NAPB: variants seen among roughly 807,000 people sequenced by gnomAD.
The protein encoded by NAPB is beta-soluble NSF attachment protein.
A neutral mutation model predicts 44.7 loss-of-function variants in NAPB; 26 were observed. The ratio of observed to expected loss-of-function variants is 0.58; its 90% CI spans 0.43 to 0.81. The LOEUF is 0.81. NAPB is among the 30% of genes least tolerant of loss of function. The probability of loss-of-function intolerance (pLI) is 0.00; values close to 1 mark genes in which losing one functional copy is unlikely to be tolerated. For synonymous variants in NAPB, 120 were observed against 116.8 expected, an observed-to-expected ratio of 1.03 and a Z score of -0.18; for missense variants, 315 against 356.4, an observed-to-expected ratio of 0.88 and a Z score of 0.94.
chr20:23,379,255 G>C, intron 10 of NAPB, 190 bp downstream of exon 10: 1 of 471,312 alleles, frequency 2.1e-6, no homozygotes, highest in South Asian at 4.5e-5. Context: ...AGTGTAAGTC[G>C]AATCTCAGCA....
Position 23,399,267 on chromosome 20 carries a change from C to G in NAPB, c.179-2079G>C, listed in dbSNP as rs573872213. ...CCCCCCAAAATTTGTATTACTGGAG[C>G]CTGATATCCAATTTGACAGTATTAA... is the stretch of plus-strand genomic sequence containing the variant. On this transcript the variant is annotated intron_variant, in intron 2 of 10. Coordinates refer to ENST00000377026, the MANE Select transcript of NAPB (RefSeq NM_022080.3). Among the ~76,000 whole-genome samples the G allele has an allele frequency of 5.9e-5, 9 of 152,190 alleles. No individual in the cohort carries two copies. The South Asian group carries it at 1.9e-3, about 32-fold the overall frequency.
At chr20:23,403,964 G>A (rs959577331) in intron 1 of NAPB, among the ~76,000 whole-genome samples, 3 of 152,096 alleles carry the variant, frequency 2.0e-5, no homozygotes, top group Non-Finnish European at 2.9e-5. Flanking sequence ...AATGCATTTT[G>A]CAACACCCTG....
intron 1 of NAPB, among the ~76,000 whole-genome samples, chr20:23,408,797 G>A: frequency 6.6e-6 from 1 of 152,168 alleles, no homozygotes; most frequent in East Asian, 1.9e-4. Context: ...AAATGTATGA[G>A]GTGATGAGTA....
chr20:23,410,669 C>G (rs1365546235), intron 1 of NAPB, among the ~76,000 whole-genome samples: 3 of 151,600 alleles, frequency 2.0e-5, no homozygotes, highest in Admixed American at 2.0e-4. Flanking sequence ...GCATATGTAC[C>G]CCCTGACTCT....
chr20:23,403,092 T>G lies in NAPB; in HGVS notation c.99-20A>C. 6.3e-7 allele frequency: 1 copy of G among 1,582,152 alleles called. No homozygotes were observed. Among genetic ancestry groups the G allele is most frequent in the Non-Finnish European group, 8.7e-7 (1 of 1,153,602 alleles). On this transcript the variant is annotated intron_variant, in intron 1 of 10. Transcript: ENST00000377026. ...TTTCCTCTGAGAAAAAGTTAAAAAT[T>G]AGATTTTTAACAACCATCCACATCT...
intron 10 of NAPB, chr20:23,379,225 TCA>T (rs1253782805): frequency 6.6e-6 from 3 of 456,940 alleles, no homozygotes; most frequent in Non-Finnish European, 1.2e-5. Context: ...TGAACTAGTC[TCA>T]CAGCTAAATT....
intron 1 of NAPB, among the ~76,000 whole-genome samples, chr20:23,419,090 C>T (rs1986210301): frequency 6.6e-6 from 1 of 152,216 alleles, no homozygotes; most frequent in Non-Finnish European, 1.5e-5. Context: ...CTGTCTCCAA[C>T]ATCCATGGTT....
intron 5 of NAPB, among the ~76,000 whole-genome samples, chr20:23,392,818 T>C (rs1280668530): frequency 1.3e-5 from 2 of 151,854 alleles, no homozygotes; most frequent in East Asian, 2.0e-4. Context: ...CCACTGTACC[T>C]GGCCTTTTTT....
At chr20:23,398,052 C>T (rs1169153456) in intron 2 of NAPB, among the ~76,000 whole-genome samples, 2 of 152,172 alleles carry the variant, frequency 1.3e-5, no homozygotes, top group Non-Finnish European at 2.9e-5. Context: ...AGGCCAGTGA[C>T]AAGCCTGCCC....
chr20:23,384,403 A>C (rs1256229429), intron 7 of NAPB, among the ~76,000 whole-genome samples: 3 of 151,982 alleles, frequency 2.0e-5, no homozygotes, highest in African/African-American at 7.3e-5. Context: ...CGCTACAAAA[A>C]GACTTGAGCT....
Position 23,377,243 on chromosome 20 carries a change from C to T in NAPB, c.*133G>A, listed in dbSNP as rs1308674736. On this transcript the variant is annotated 3_prime_UTR_variant, in exon 11 of 11. Transcript: ENST00000377026. ...TTCACAGCAACACAGACTTGGCGAG[C>T]TTAAACAATACACAGGCCGTCTGGC... The T allele has an allele frequency of 2.2e-6, 1 of 459,744 alleles. No homozygotes were observed. The highest frequency in any genetic ancestry group is 2.0e-5 in the African/African-American group (1 of 50,760). 28.5% of individuals were successfully genotyped at this position (459,744 alleles called of 1,614,324 possible). A position where few individuals can be genotyped will look rare whatever the true frequency, so the allele number is the denominator to read the frequency against.
In NAPB at chr20:23,395,014, A is replaced by C. The variant is rs1385893570; in HGVS notation, c.343-15T>G. ...GTAAACCTTCCCTAGGGGAAAAAAC[A>C]AGAAACAGTCACACACCGATTTTAC... On this transcript the variant is annotated splice_polypyrimidine_tract_variant and intron_variant, in intron 4 of 10. Coordinates refer to ENST00000377026, the MANE Select transcript of NAPB (RefSeq NM_022080.3). 1 of 1,613,926 alleles carries C rather than the reference A, an allele frequency of 6.2e-7. No individual in the cohort carries two copies. The highest frequency in any genetic ancestry group is 1.3e-5 in the African/African-American group (1 of 74,942).
rs148400993 is a variant in NAPB, at chr20:23,376,596, T to C, written c.*780A>G. 1 of 152,252 alleles carries C rather than the reference T, an allele frequency of 6.6e-6. No individual in the cohort carries two copies. The highest frequency in any genetic ancestry group is 2.4e-5 in the African/African-American group (1 of 41,550). The allele number at this position is 152,252 out of a possible 1,614,324, so 9.4% of individuals were successfully genotyped here. ...CAATTAAAATACTTCAATGTAAATA[T>C]AAAGGGATTTCCACTCCAACTAAAA... On this transcript the variant is annotated 3_prime_UTR_variant, in exon 11 of 11. Coordinates refer to ENST00000377026, the MANE Select transcript of NAPB (RefSeq NM_022080.3).
At chr20:23,420,733 C>T (rs1986346179) in intron 1 of NAPB, among the ~76,000 whole-genome samples, 1 of 152,048 alleles carries the variant, frequency 6.6e-6, no homozygotes, top group African/African-American at 2.4e-5. Context: ...CCTTCTAGGT[C>T]GTGGGACCCC....
rs371535763 is a variant in NAPB, at chr20:23,421,390, C to T, written c.13G>A (p.Gly5Arg). 1.0e-4 allele frequency: 155 copies of T among 1,547,246 alleles called. 1 individual carries two copies. Among genetic ancestry groups the T allele is most frequent in the Middle Eastern group, 1.8e-4 (1 of 5,564 alleles). MDNA[G>R]KEREAVQLMA... ...AGCTGTACTGCCTCACGCTCCTTCC[C>T]CGCGTTGTCCATGTCGCCCGCCGCG... The change falls in exon 1 of 11, where the codon GGG becomes AGG. Residue 5 changes from glycine to arginine, a missense_variant. Around this residue, in one of 3 missense-constraint regions of NAPB, gnomAD observed 179 missense variants for 182.5 expected, o/e 0.98. Coordinates refer to ENST00000377026, the MANE Select transcript of NAPB (RefSeq NM_022080.3).
intron 8 of NAPB, among the ~76,000 whole-genome samples, chr20:23,380,297 A>G (rs1982892062): frequency 6.6e-6 from 1 of 152,200 alleles, no homozygotes; most frequent in South Asian, 2.1e-4. Context: ...AAGCTGACAG[A>G]AAGAACAGTT....
intron 4 of NAPB, 51 bp from the exon 5 acceptor site, chr20:23,395,050 G>A (rs770613945): frequency 6.2e-7 from 1 of 1,611,596 alleles, no homozygotes; most frequent in Non-Finnish European, 8.5e-7. Context: ...CTATCTGAAT[G>A]CCAGTTTGGG....
chr20:23,399,869 C>A (rs778827717), intron 2 of NAPB, among the ~76,000 whole-genome samples: 1 of 152,248 alleles, frequency 6.6e-6, no homozygotes, highest in Non-Finnish European at 1.5e-5. Flanking sequence ...TCACATTACA[C>A]ACGGTGGCCA....
At chr20:23,420,813 C>T (rs896293088) in intron 1 of NAPB, among the ~76,000 whole-genome samples, 2 of 151,586 alleles carry the variant, frequency 1.3e-5, no homozygotes, top group Admixed American at 1.3e-4. Flanking sequence ...CTGACAGCCC[C>T]CCCCCCAGAG....
Sources: allele counts gnomAD v4.1 joint callset (sites outside exome capture counted in the v4.1 genomes callset), GRCh38; gene constraint gnomAD v4.1.1; regional missense constraint gnomAD v4.1.1; transcripts MANE v1.5; gene names NCBI Gene and HGNC (gene_info 2026-07-23, HGNC 2026-07-21).